Variants in LRRC53 observed in about 807,000 individuals in gnomAD.
LRRC53 encodes the protein leucine-rich repeat-containing protein 53.
LRRC53 carries 25 observed loss-of-function variants against 13.6 expected under a neutral mutation model. The ratio of observed to expected loss-of-function variants is 1.83; its 90% confidence interval spans 1.34 to 2.56. LRRC53 has a LOEUF of 2.56. LRRC53 is among the 30% of genes most tolerant of loss of function. The probability of loss-of-function intolerance (pLI) is 0.00; values close to 1 mark genes in which losing one functional copy is unlikely to be tolerated. For missense variants in LRRC53, 527 were observed against 275.8 expected (o/e 1.91, Z -6.45); for synonymous variants, 204 against 109.8 (o/e 1.86, Z -5.37).
At chr1:74,482,398 A>G (rs927917798) in intron 2 of LRRC53, among the ~76,000 whole-genome samples, 1 of 152,242 alleles carries the variant, frequency 6.6e-6, no homozygotes, top group Non-Finnish European at 1.5e-5. Flanking sequence ...TGATCAGGAA[A>G]AATAAATGTA....
the LRRC53 span, among the ~76,000 whole-genome samples, chr1:74,525,777 G>A: frequency 5.9e-5 from 9 of 152,234 alleles, no homozygotes; most frequent in East Asian, 5.8e-4. Context: ...TACAGAAGCC[G>A]GGAGCAGCAG....
intron 1 of LRRC53, among the ~76,000 whole-genome samples, chr1:74,503,446 C>T (rs2100349837): frequency 6.6e-6 from 1 of 152,314 alleles, no homozygotes; most frequent in Admixed American, 6.5e-5. Flanking sequence ...ATCTAACCCT[C>T]ACTTCAGCAG....
chr1:74,492,006 C>G (rs762869836), intron 1 of LRRC53: 6 of 1,375,388 alleles, frequency 4.4e-6, no homozygotes, highest in Non-Finnish European at 5.7e-6. Context: ...TATGGGAAAC[C>G]TTGGAATAGA....
At chr1:74,531,124 T>G in the LRRC53 span, among the ~76,000 whole-genome samples, 1 of 152,232 alleles carries the variant, frequency 6.6e-6, no homozygotes, top group Non-Finnish European at 1.5e-5. Flanking sequence ...TGGGGACATT[T>G]GCCATTGAAA....
chr1:74,515,186 T>C (rs1646332180), upstream of LRRC53, among the ~76,000 whole-genome samples: 1 of 152,202 alleles, frequency 6.6e-6, no homozygotes, highest in African/African-American at 2.4e-5. Flanking sequence ...AGCCTTCAGG[T>C]GTTTGGAACT....
At chr1:74,508,485 C>A (rs989349148) in intron 1 of LRRC53, among the ~76,000 whole-genome samples, 1 of 152,170 alleles carries the variant, frequency 6.6e-6, no homozygotes, top group Non-Finnish European at 1.5e-5. Flanking sequence ...GGACTTAAAC[C>A]TGGCCAGAGT....
intron 1 of LRRC53, among the ~76,000 whole-genome samples, chr1:74,498,468 C>G (rs1669447880): frequency 6.6e-6 from 1 of 152,078 alleles, no homozygotes; most frequent in Non-Finnish European, 1.5e-5. Flanking sequence ...CAGAAATTCT[C>G]TTCTTTTTTG....
At chr1:74,515,564 G>A (rs1646337519), upstream of LRRC53, among the ~76,000 whole-genome samples, 1 of 152,138 alleles carries the variant, frequency 6.6e-6, no homozygotes, top group East Asian at 1.9e-4. Flanking sequence ...AGTCTAATTA[G>A]GGCAGAAGTC....
Position 74,469,536 on chromosome 1 carries a change from T to A in LRRC53, c.*342A>T. On this transcript the variant is annotated 3_prime_UTR_variant, in exon 5 of 5. Coordinates refer to ENST00000294635, the MANE Select transcript of LRRC53 (RefSeq NM_001382280.1). ...ATGAAATAAACATCAAATGTAAATCTGCTCAAATACTCTTCTTATGTAGTT... is the reference window on the plus strand; with the variant it reads ...ATGAAATAAACATCAAATGTAAATCAGCTCAAATACTCTTCTTATGTAGTT... The A allele has an allele frequency of 5.5e-6, 1 of 181,566 alleles. No individual in the cohort carries two copies. 11.2% of individuals were successfully genotyped at this position (181,566 alleles called of 1,614,324 possible). A position where few individuals can be genotyped will look rare whatever the true frequency, so the allele number is the denominator to read the frequency against.
chr1:74,487,677 A>C (rs2100286647), intron 1 of LRRC53, among the ~76,000 whole-genome samples: 1 of 152,324 alleles, frequency 6.6e-6, no homozygotes, highest in Admixed American at 6.5e-5. Context: ...GAAGTGAGCA[A>C]AAAAACAAGT....
chr1:74,479,187 C>A (rs897474790), intron 3 of LRRC53, among the ~76,000 whole-genome samples: 1 of 152,098 alleles, frequency 6.6e-6, no homozygotes, highest in Non-Finnish European at 1.5e-5. Context: ...ACCATGGTTA[C>A]CCACAGGTGC....
chr1:74,501,892 A>T (rs538846351), intron 1 of LRRC53, among the ~76,000 whole-genome samples: 106 of 152,060 alleles, frequency 7.0e-4, no homozygotes, highest in African/African-American at 2.4e-3. Flanking sequence ...ATATATATAC[A>T]TTTTCTTTTT....
chr1:74,474,457 G>T (rs375341542), intron 4 of LRRC53, among the ~76,000 whole-genome samples: 1 of 151,880 alleles, frequency 6.6e-6, no homozygotes, highest in East Asian at 1.9e-4. Context: ...TTATCCAGTC[G>T]CCCCAAAATG....
At chr1:74,478,617 T>C (rs1231459109) in intron 3 of LRRC53, among the ~76,000 whole-genome samples, 1 of 152,204 alleles carries the variant, frequency 6.6e-6, no homozygotes, top group Non-Finnish European at 1.5e-5. Flanking sequence ...TATCACACCT[T>C]CTTCTTAGAA....
At chr1:74,511,409 C>T (rs1670215304) in intron 1 of LRRC53, among the ~76,000 whole-genome samples, 1 of 152,006 alleles carries the variant, frequency 6.6e-6, no homozygotes, top group Admixed American at 6.6e-5. Context: ...GCCTCGAACT[C>T]CTGGTCTCGA....
the LRRC53 span, among the ~76,000 whole-genome samples, chr1:74,534,253 G>A: frequency 5.9e-5 from 9 of 151,946 alleles, no homozygotes; most frequent in African/African-American, 1.7e-4. Flanking sequence ...AATAGTATAC[G>A]TCTGTTATAA....
chr1:74,504,187 A>G (rs527868614), intron 1 of LRRC53, among the ~76,000 whole-genome samples: 1 of 152,356 alleles, frequency 6.6e-6, no homozygotes, highest in South Asian at 2.1e-4. Context: ...TGCTTCTGGT[A>G]TCTTACAAAT....
chr1:74,525,682 C>G, the LRRC53 span, among the ~76,000 whole-genome samples: 8 of 152,244 alleles, frequency 5.3e-5, no homozygotes, highest in East Asian at 1.5e-3. Flanking sequence ...TAATAAATAA[C>G]CAATATAAAT....
the LRRC53 span, among the ~76,000 whole-genome samples, chr1:74,521,629 AC>A: frequency 6.6e-6 from 1 of 152,156 alleles, no homozygotes; most frequent in South Asian, 2.1e-4. Context: ...GTAAAGACGC[AC>A]TATATTCCTA....
Sources: gnomAD v4.1 joint callset for allele counts (sites outside exome capture counted in the v4.1 genomes callset) on GRCh38, gnomAD v4.1.1 for gene constraint, MANE v1.5 for transcripts, NCBI Gene and HGNC (gene_info 2026-07-23, HGNC 2026-07-21) for gene names.